AUTS2: variants seen among roughly 807,000 people sequenced by gnomAD.
AUTS2 encodes autism susceptibility gene 2 protein.
AUTS2 carries 17 observed loss-of-function variants against 112.4 expected under a neutral mutation model. That is an observed-to-expected ratio of 0.15 (90% confidence interval 0.10 to 0.23). The LOEUF (loss-of-function observed/expected upper bound fraction) is 0.23. AUTS2 is among the 10% of genes least tolerant of loss of function. AUTS2 has a pLI of 1.00. For synonymous variants in AUTS2, 751 were observed against 702.7 expected (o/e 1.07, Z -1.09); for missense variants, 1,510 against 1,701.6 (o/e 0.89, Z 1.98).
intron 2 of AUTS2, among the ~76,000 whole-genome samples, chr7:70,070,262 TTTATTTAAATTTA>T (rs1225197310): frequency 5.3e-5 from 8 of 152,198 alleles, no homozygotes; most frequent in African/African-American, 1.9e-4. Context: ...GATATATGTG[TTTATTTAAATTTA>T]AACAGAAAGT....
chr7:70,002,477 G>C (rs939106468), intron 2 of AUTS2, among the ~76,000 whole-genome samples: 2 of 152,024 alleles, frequency 1.3e-5, no homozygotes, highest in Non-Finnish European at 2.9e-5. Context: ...ATTTTAAATG[G>C]TACCAAAACT....
intron 6 of AUTS2, among the ~76,000 whole-genome samples, chr7:70,753,406 G>A (rs1322352123): frequency 2.0e-5 from 3 of 152,094 alleles, no homozygotes; most frequent in South Asian, 2.1e-4. Flanking sequence ...GAATCTCTTC[G>A]AGCCCTGCCA....
At chr7:70,535,107 G>A (rs1800265232) in intron 5 of AUTS2, among the ~76,000 whole-genome samples, 1 of 151,708 alleles carries the variant, frequency 6.6e-6, no homozygotes, top group African/African-American at 2.4e-5. Context: ...TGATACCTGG[G>A]CTAGTAAGCT....
chr7:70,432,809 G>A (rs1388681417), intron 4 of AUTS2, among the ~76,000 whole-genome samples: 2 of 152,186 alleles, frequency 1.3e-5, no homozygotes, highest in African/African-American at 4.8e-5. Flanking sequence ...ATTGGATGGT[G>A]CGCTCCTGCT....
At chr7:69,819,365 C>T (rs780000640) in intron 1 of AUTS2, among the ~76,000 whole-genome samples, 6 of 152,160 alleles carry the variant, frequency 3.9e-5, no homozygotes, top group African/African-American at 9.7e-5. Context: ...GACTTTAATA[C>T]GAAGGTATGA....
chr7:70,097,660 A>G (rs1804274026), intron 2 of AUTS2, among the ~76,000 whole-genome samples: 1 of 152,236 alleles, frequency 6.6e-6, no homozygotes, highest in Non-Finnish European at 1.5e-5. Context: ...CCTAGCTGAT[A>G]ATCAGTAGTC....
rs113251118 is a variant in AUTS2, at chr7:70,715,733, T to C, written c.742+17113T>C. 4.9e-3 allele frequency among the ~76,000 whole-genome samples: 742 copies of C among 152,234 alleles called. 5 individuals are homozygous for C. Among genetic ancestry groups the C allele is most frequent in the African/African-American group, 0.017 (693 of 41,542 alleles). The stretch of plus-strand genomic sequence containing the variant: ...TTTTAGTAGAGATGAGGTTTCACCA[T>C]GTTAGCCAGGCTGGTCTCCAACCCC... On this transcript the variant is annotated intron_variant, in intron 6 of 18. Transcript: ENST00000342771.
At chr7:70,355,419 G>A (rs1023750317) in intron 4 of AUTS2, among the ~76,000 whole-genome samples, 5 of 151,856 alleles carry the variant, frequency 3.3e-5, no homozygotes, top group African/African-American at 7.3e-5. Flanking sequence ...GAGGATTATC[G>A]GGGAGGACTT....
rs1805838697 is a variant in AUTS2 at position 70,124,175 on chromosome 7, G to A, written c.624+5942G>A. Among the ~76,000 whole-genome samples, 4 of 152,162 alleles carry A rather than the reference G, an allele frequency of 2.6e-5. No individual in the cohort carries two copies. In the South Asian group the frequency reaches 8.3e-4, roughly 32 times the overall value. The stretch of plus-strand genomic sequence containing the variant: ...CTTCTTTTGAAAAGTATCTCTTCAT[G>A]TTCTTTGCCCACTTTTTAATGGAGT... On this transcript the variant is annotated intron_variant, in intron 3 of 18. Transcript: ENST00000342771.
chr7:70,751,807 G>A (rs1242222855), intron 6 of AUTS2, among the ~76,000 whole-genome samples: 1 of 151,994 alleles, frequency 6.6e-6, no homozygotes, highest in East Asian at 1.9e-4. Flanking sequence ...TGCAACCTCC[G>A]CCTCCTGGGG....
chr7:70,578,167 G>C (rs1802261590), intron 5 of AUTS2, among the ~76,000 whole-genome samples: 1 of 152,134 alleles, frequency 6.6e-6, no homozygotes, highest in Non-Finnish European at 1.5e-5. Context: ...TAGATTCCTA[G>C]TAGAATATGA....
intron 6 of AUTS2, among the ~76,000 whole-genome samples, chr7:70,750,231 A>G (rs889582040): frequency 1.3e-5 from 2 of 152,176 alleles, no homozygotes; most frequent in Non-Finnish European, 2.9e-5. Flanking sequence ...AAGTGGGCAC[A>G]GGGATAGTGC....
chr7:70,516,267 C>A (rs1799413802), intron 5 of AUTS2, among the ~76,000 whole-genome samples: 1 of 152,060 alleles, frequency 6.6e-6, no homozygotes, highest in East Asian at 1.9e-4. Flanking sequence ...ATAGAAGCTG[C>A]CCCCCTCCTC....
At chr7:70,009,189 G>A (rs1799679957) in intron 2 of AUTS2, among the ~76,000 whole-genome samples, 1 of 152,098 alleles carries the variant, frequency 6.6e-6, no homozygotes, top group South Asian at 2.1e-4. Context: ...AGAGGAAGCA[G>A]AACTCACTTT....
intron 4 of AUTS2, among the ~76,000 whole-genome samples, chr7:70,415,840 G>A (rs757788199): frequency 7.9e-5 from 12 of 152,188 alleles, no homozygotes; most frequent in Admixed American, 2.6e-4. Context: ...TTGTGTGCAC[G>A]CACACACAGA....
At chr7:69,746,648 G>A (rs1409364691) in intron 1 of AUTS2, among the ~76,000 whole-genome samples, 2 of 152,086 alleles carry the variant, frequency 1.3e-5, no homozygotes, top group Admixed American at 6.6e-5. Flanking sequence ...TAGCAAGGAC[G>A]TCAGCCTGAC....
intron 2 of AUTS2, among the ~76,000 whole-genome samples, chr7:70,077,387 T>C (rs1454063087): frequency 1.3e-5 from 2 of 152,204 alleles, no homozygotes; most frequent in East Asian, 3.8e-4. Context: ...CTGCCTTGTT[T>C]ATATGGTTGA....
At chr7:69,711,360 G>A (rs1798317315) in intron 1 of AUTS2, among the ~76,000 whole-genome samples, 1 of 140,868 alleles carries the variant, frequency 7.1e-6, no homozygotes, top group Non-Finnish European at 1.5e-5. Context: ...AATACTATGT[G>A]GTTTTGAGAA....
chr7:70,682,290 A>G lies in AUTS2; in HGVS notation c.691-16279A>G, dbSNP rs963680310. Among the ~76,000 whole-genome samples, 22 of 152,234 alleles carry G rather than the reference A, an allele frequency of 1.4e-4. 1 individual carries two copies. Among genetic ancestry groups the G allele is most frequent in the African/African-American group, 3.9e-4 (16 of 41,458 alleles). ...TTATGGGGCCGTGCTGAAAACTGCA[A>G]TCTGTTTTGGATAAAAGAAGGGATT... is the stretch of plus-strand genomic sequence containing the variant. On this transcript the variant is annotated intron_variant, in intron 5 of 18. Coordinates refer to ENST00000342771, the MANE Select transcript of AUTS2 (RefSeq NM_015570.4).
Sources: allele counts gnomAD v4.1 joint callset (sites outside exome capture counted in the v4.1 genomes callset), GRCh38; gene constraint gnomAD v4.1.1; transcripts MANE v1.5; gene names NCBI Gene and HGNC (gene_info 2026-07-23, HGNC 2026-07-21).